The following SHANK2 variants were observed in gnomAD, a reference collection of about 807,000 sequenced individuals.
The protein encoded by SHANK2 is SH3 and multiple ankyrin repeat domains 2.
Under a neutral mutation model 133.7 loss-of-function variants are expected in SHANK2, and 43 were observed. The ratio of observed to expected loss-of-function variants is 0.32; its 90% CI spans 0.25 to 0.41. The LOEUF (loss-of-function observed/expected upper bound fraction) is 0.41. Among genes scored for constraint, SHANK2 ranks in the 10% least tolerant of loss-of-function variants. The pLI, the probability that SHANK2 is intolerant of heterozygous loss-of-function variation, is 1.00. For missense variants in SHANK2, 1,994 were observed against 2,235.8 expected, an observed-to-expected ratio of 0.89 and a Z score of 2.18; for synonymous variants, 1,017 against 952.8, an observed-to-expected ratio of 1.07 and a Z score of -1.24.
At chr11:70,859,146 T>G (rs1370470196) in intron 11 of SHANK2, among the ~76,000 whole-genome samples, 1 of 152,088 alleles carries the variant, frequency 6.6e-6, no homozygotes, top group Non-Finnish European at 1.5e-5. Flanking sequence ...ATGAATTGGA[T>G]GGACAGAATG....
chr11:71,175,551 G>GGAGAGAGAGAGAGA lies in SHANK2; in HGVS notation c.-12-28227_-12-28214dup, dbSNP rs555218781. ...CAGACAGACAGAGGGAGAGGGAGAG[G>GGAGAGAGAGAGAGA]GAGAGAGAGAGAGAGAGAGAGAGAG... On this transcript the variant is annotated intron_variant, in intron 2 of 25. Transcript: ENST00000601538. This position sits in a 1 kb window ranked among gnomAD's most constrained non-coding sequence, Gnocchi z 4.2. Among the ~76,000 whole-genome samples, 18 of 40,670 alleles carry GGAGAGAGAGAGAGA rather than the reference G, an allele frequency of 4.4e-4. No individual in the cohort carries two copies. Among genetic ancestry groups the GGAGAGAGAGAGAGA allele is most frequent in the African/African-American group, 1.1e-3 (13 of 12,248 alleles). The allele number at this position is 40,670 out of a possible 152,430, so 26.7% of individuals were successfully genotyped here. A position where few individuals can be genotyped will look rare whatever the true frequency, so the allele number is the denominator to read the frequency against.
chr11:71,203,148 G>A (rs1194759920), intron 2 of SHANK2, among the ~76,000 whole-genome samples: 1 of 152,170 alleles, frequency 6.6e-6, no homozygotes, highest in Admixed American at 6.5e-5. Flanking sequence ...TCACACCAGC[G>A]TAATGACCAT....
chr11:70,635,035 A>T (rs1430201249), intron 17 of SHANK2: 1 of 152,240 alleles, frequency 6.6e-6, no homozygotes, highest in Middle Eastern at 3.2e-3. Flanking sequence ...GATGGCCACG[A>T]TCCTAAAACA....
At chr11:70,752,776 C>T (rs1327211418) in intron 14 of SHANK2, among the ~76,000 whole-genome samples, 2 of 150,690 alleles carry the variant, frequency 1.3e-5, no homozygotes, top group Non-Finnish European at 2.9e-5. Flanking sequence ...TATAATAATA[C>T]CTAATGCCAG....
chr11:70,826,516 T>A (rs782796266), intron 11 of SHANK2: 1 of 471,190 alleles, frequency 2.1e-6, no homozygotes, highest in Non-Finnish European at 4.4e-6. Flanking sequence ...TCCCTCTGAC[T>A]TTGGCAGCGG....
At chr11:70,660,841 G>A (rs1181885063) in intron 16 of SHANK2, among the ~76,000 whole-genome samples, 2 of 152,224 alleles carry the variant, frequency 1.3e-5, no homozygotes, top group African/African-American at 2.4e-5. Context: ...ACAGGTGCGG[G>A]ACCCCTGGCA....
intron 2 of SHANK2, among the ~76,000 whole-genome samples, chr11:71,158,728 A>G (rs1952953838): frequency 6.6e-6 from 1 of 152,242 alleles, no homozygotes; most frequent in South Asian, 2.1e-4. Context: ...AAGTTATAAT[A>G]TGAAAACAGT....
chr11:70,475,537 C>T (rs1363916187), intron 25 of SHANK2, among the ~76,000 whole-genome samples: 3 of 152,176 alleles, frequency 2.0e-5, no homozygotes, highest in African/African-American at 7.2e-5. Flanking sequence ...ACCTAGGTTC[C>T]CCTAAGCTGT....
At chr11:70,721,013 C>T (rs1591785719) in intron 14 of SHANK2, among the ~76,000 whole-genome samples, 1 of 152,172 alleles carries the variant, frequency 6.6e-6, no homozygotes, top group South Asian at 2.1e-4. Flanking sequence ...CCTCATTCCC[C>T]CAGTGACCTG....
At chr11:71,201,978 C>T (rs782150680) in intron 2 of SHANK2, among the ~76,000 whole-genome samples, 3 of 152,218 alleles carry the variant, frequency 2.0e-5, no homozygotes, top group African/African-American at 7.2e-5. Flanking sequence ...TACAGGATAC[C>T]GACCAATTAT....
intron 17 of SHANK2, among the ~76,000 whole-genome samples, chr11:70,618,855 T>C (rs1004711234): frequency 2.6e-5 from 4 of 152,108 alleles, no homozygotes; most frequent in African/African-American, 7.2e-5. Flanking sequence ...TCCAGGGCCT[T>C]TGTGTTAAAA....
chr11:71,181,371 T>A (rs1183341049), intron 2 of SHANK2, among the ~76,000 whole-genome samples: 1 of 152,124 alleles, frequency 6.6e-6, no homozygotes, highest in Non-Finnish European at 1.5e-5. Flanking sequence ...CGGTGACATG[T>A]GCCTGCAGAC....
At chr11:70,661,550 CA>C in intron 16 of SHANK2, 45 bp downstream of exon 16, 1 of 1,111,384 alleles carries the variant, frequency 9.0e-7, no homozygotes, top group East Asian at 2.5e-5. Context: ...CACACACACA[CA>C]CACAAACATG....
rs1565189989 is a variant in SHANK2 at position 70,624,610 on chromosome 11, C to G, written c.2061+35218G>C. On this transcript the variant is annotated intron_variant, in intron 17 of 25. Coordinates refer to ENST00000601538, the MANE Select transcript of SHANK2 (RefSeq NM_012309.5). ...CCTCAGCCAGGGGTGATGGTGCCCC[C>G]CCAAACCCCAGGGAACCAGAGGAGG... Among the ~76,000 whole-genome samples the G allele has an allele frequency of 2.6e-5, 4 of 152,222 alleles. No homozygotes were observed. The South Asian group carries it at 8.3e-4, about 32-fold the overall frequency.
intron 6 of SHANK2, among the ~76,000 whole-genome samples, chr11:71,105,086 T>C (rs1555097504): frequency 6.6e-6 from 1 of 152,174 alleles, no homozygotes; most frequent in Non-Finnish European, 1.5e-5. Context: ...CCAGATGTCC[T>C]TTAGGAGGCA....
At chr11:70,940,580 G>T (rs1555084233) in intron 10 of SHANK2, among the ~76,000 whole-genome samples, 1 of 151,866 alleles carries the variant, frequency 6.6e-6, no homozygotes, top group Non-Finnish European at 1.5e-5. Context: ...AGGACACAAA[G>T]GCATCTCTCC....
intron 10 of SHANK2, among the ~76,000 whole-genome samples, chr11:70,947,132 AAC>A (rs144004521): frequency 0.062 from 7,764 of 126,122 alleles, 230 homozygotes; most frequent in African/African-American, 0.092. Flanking sequence ...GCACCTCTCC[AAC>A]ACACACACAC....
chr11:71,077,726 C>T (rs1951240320), intron 8 of SHANK2, among the ~76,000 whole-genome samples: 1 of 152,034 alleles, frequency 6.6e-6, no homozygotes, highest in African/African-American at 2.4e-5. Context: ...GAGGGGGATC[C>T]AAGCCAGGTG....
chr11:70,587,625 T>C (rs1425690127), intron 17 of SHANK2, among the ~76,000 whole-genome samples: 1 of 152,178 alleles, frequency 6.6e-6, no homozygotes, highest in African/African-American at 2.4e-5. Flanking sequence ...TACCCCTTGC[T>C]TTATTGTGCT....
Sources: gnomAD v4.1 joint callset for allele counts (sites outside exome capture counted in the v4.1 genomes callset) on GRCh38, gnomAD v4.1.1 for gene constraint, Gnocchi (gnomAD v3.1) non-coding constraint, MANE v1.5 for transcripts, NCBI Gene and HGNC (gene_info 2026-07-23, HGNC 2026-07-21) for gene names.